The following ZGRF1 variants were observed in gnomAD, a reference collection of about 807,000 sequenced individuals.
ZGRF1 encodes 5'-3' DNA helicase ZGRF1.
ZGRF1 carries 196 observed loss-of-function variants against 203.5 expected under a neutral mutation model. The observed-to-expected ratio is 0.96, with a 90% CI of 0.86 to 1.08. The LOEUF (loss-of-function observed/expected upper bound fraction) is 1.08, where lower values mean the gene tolerates loss of function less well. ZGRF1 is among the 50% of genes least tolerant of loss of function. ZGRF1 has a pLI of 0.00. For synonymous variants in ZGRF1, 809 were observed against 841.3 expected (o/e 0.96, Z 0.66); for missense variants, 2,326 against 2,416.3 (o/e 0.96, Z 0.78).
At chr4:112,581,360 A>G (rs1266019553) in intron 16 of ZGRF1, among the ~76,000 whole-genome samples, 2 of 151,744 alleles carry the variant, frequency 1.3e-5, no homozygotes, top group South Asian at 2.1e-4. Context: ...GCACACCAAC[A>G]TGGCACATGT....
Position 112,558,243 on chromosome 4 carries a change from T to A in ZGRF1, c.5027A>T (p.Glu1676Val), listed in dbSNP as rs747170659. The change falls in exon 20 of 28, where the codon GAA (glutamate) becomes GTA (valine). Residue 1676 changes from glutamate (E) to valine (V), a missense_variant. Glu to Val is a moderately radical substitution (Grantham distance 121, BLOSUM62 -2). Transcript: ENST00000505019. ...VVILFFVQLF[E>V]KSEAPTIGNA... ...TCCAATGGTGGGAGCTTCACTCTTTTCAAACAGCTGTACAAAGAACAAAAT... is the reference window on the plus strand; with the variant it reads ...TCCAATGGTGGGAGCTTCACTCTTTACAAACAGCTGTACAAAGAACAAAAT... The A allele has an allele frequency of 3.1e-5, 49 of 1,605,522 alleles. 1 individual carries two copies. In the South Asian group the frequency reaches 5.5e-4, roughly 18 times the overall value.
chr4:112,586,009 G>A (rs999436456), intron 13 of ZGRF1, among the ~76,000 whole-genome samples: 4 of 152,090 alleles, frequency 2.6e-5, no homozygotes, highest in African/African-American at 9.7e-5. Flanking sequence ...AGGCCAAGGC[G>A]AGTAGATTGC....
chr4:112,546,835 A>G (rs1378614337), intron 24 of ZGRF1: 1 of 152,484 alleles, frequency 6.6e-6, no homozygotes, highest in African/African-American at 2.4e-5. Context: ...CCCAGGTCTT[A>G]GACTTCTCAG....
intron 16 of ZGRF1, among the ~76,000 whole-genome samples, chr4:112,580,520 T>C (rs1333312299): frequency 6.6e-6 from 1 of 151,580 alleles, no homozygotes; most frequent in African/African-American, 2.4e-5. Flanking sequence ...ATTTTTGCAA[T>C]CTACTCATCT....
intron 14 of ZGRF1, among the ~76,000 whole-genome samples, chr4:112,584,382 T>C (rs1746810295): frequency 1.3e-5 from 2 of 152,202 alleles, no homozygotes; most frequent in Admixed American, 1.3e-4. Context: ...AAGATTACAT[T>C]ATTCTGAGAA....
At chr4:112,558,402 C>T (rs1365529727) in intron 19 of ZGRF1, 93 bp from the exon 20 acceptor site, 1 of 1,094,690 alleles carries the variant, frequency 9.1e-7, no homozygotes, top group African/African-American at 1.7e-5. Context: ...CTCACTCACT[C>T]TGTCACCCAG....
At chr4:112,635,728 T>C (rs2047592039) in intron 1 of ZGRF1, among the ~76,000 whole-genome samples, 1 of 151,562 alleles carries the variant, frequency 6.6e-6, no homozygotes, top group South Asian at 2.1e-4. Context: ...TTGGACGAGA[T>C]ACTTTACATA....
At chr4:112,627,208 A>G (rs1270930982) in intron 3 of ZGRF1, among the ~76,000 whole-genome samples, 1 of 152,208 alleles carries the variant, frequency 6.6e-6, no homozygotes. Flanking sequence ...ATAAATACAC[A>G]AACCTAAAAG....
chr4:112,618,178 C>G lies in ZGRF1; in HGVS notation c.1864G>C (p.Asp622His), dbSNP rs1205762989. ...QFCDKTYVGF[D>H]MGICKTENTG... ...TTTTCAGTTTTACATATTCCCATGT[C>G]AAAACCCACATAAGTTTTATCACAA... The change falls in exon 6 of 28, where the codon GAC becomes CAC. Residue 622 changes from aspartate (D) to histidine (H), a missense_variant. By Grantham distance (81) the Asp-to-His change is moderately conservative (BLOSUM62 -1). Transcript: ENST00000505019. 1 of 1,613,684 alleles carries G rather than the reference C, an allele frequency of 6.2e-7. No individual in the cohort carries two copies.
intron 16 of ZGRF1, among the ~76,000 whole-genome samples, chr4:112,568,514 C>T (rs1743571766): frequency 6.7e-6 from 1 of 149,146 alleles, no homozygotes; most frequent in South Asian, 2.1e-4. Flanking sequence ...AGTTCGACAC[C>T]AGCCTGACCA....
intron 16 of ZGRF1, among the ~76,000 whole-genome samples, chr4:112,576,688 A>G (rs1745295881): frequency 6.6e-6 from 1 of 152,214 alleles, no homozygotes; most frequent in Non-Finnish European, 1.5e-5. Context: ...GTGATGGAAG[A>G]TCAAATGAAT....
intron 18 of ZGRF1, 39 bp from the exon 19 acceptor site, chr4:112,561,034 G>A (rs759335022): frequency 6.0e-6 from 9 of 1,500,252 alleles, no homozygotes; most frequent in Non-Finnish European, 7.4e-6. Flanking sequence ...TTAAAAAAAG[G>A]GGCATTTGAA....
intron 4 of ZGRF1, among the ~76,000 whole-genome samples, chr4:112,622,117 T>C (rs757430230): frequency 2.0e-5 from 3 of 152,172 alleles, no homozygotes; most frequent in Non-Finnish European, 4.4e-5. Context: ...TTTAAAAATA[T>C]ATAAAAGTAA....
intron 24 of ZGRF1, among the ~76,000 whole-genome samples, chr4:112,545,558 AG>A (rs1429202981): frequency 6.6e-6 from 1 of 152,200 alleles, no homozygotes; most frequent in African/African-American, 2.4e-5. Flanking sequence ...CCGCTGCTAT[AG>A]AAAAAAGTTT....
rs552485501 is a variant in ZGRF1 at position 112,558,063 on chromosome 4, T to G, written c.5120+87A>C. 1.0e-5 allele frequency: 11 copies of G among 1,059,886 alleles called. No homozygotes were observed. The South Asian group carries it at 1.5e-4, about 14-fold the overall frequency. The allele number at this position is 1,059,886 out of a possible 1,614,324, so 65.7% of individuals were successfully genotyped here. A position where few individuals can be genotyped will look rare whatever the true frequency, so the allele number is the denominator to read the frequency against. ...GCATTCTTGGCATAACCAGCAAGAG[T>G]ACATGGACACTCAGGGCCCATAGTG... On this transcript the variant is annotated intron_variant, in intron 20 of 27. Coordinates refer to ENST00000505019, the MANE Select transcript of ZGRF1 (RefSeq NM_018392.5).
At chr4:112,631,410 C>T (rs2047404393) in intron 3 of ZGRF1, among the ~76,000 whole-genome samples, 1 of 152,128 alleles carries the variant, frequency 6.6e-6, no homozygotes, top group Admixed American at 6.5e-5. Context: ...TGGCTCACTC[C>T]TGTAATCCCA....
At position 112,618,744 on chromosome 4, in the gene ZGRF1, A is replaced by C. The variant is rs746342515; in HGVS notation, c.1298T>G (p.Ile433Ser). The C allele has an allele frequency of 1.2e-6, 2 of 1,610,818 alleles. No homozygotes were observed. Among genetic ancestry groups the C allele is most frequent in the South Asian group, 1.1e-5 (1 of 90,972 alleles). The change falls in exon 6 of 28, where the codon ATT (isoleucine) becomes AGT (serine). Residue 433 changes from isoleucine to serine, a missense_variant. Transcript: ENST00000505019. ...ENDGILSESD[I>S]QEDNKIPFNQ... ...AAAAGGTATTTTATTATCTTCTTGAATGTCAGATTCTGATAATATACCATC... is the reference window on the plus strand; with the variant it reads ...AAAAGGTATTTTATTATCTTCTTGACTGTCAGATTCTGATAATATACCATC...
intron 3 of ZGRF1, chr4:112,630,025 G>GAA (rs752264790): frequency 1.3e-4 from 21 of 159,062 alleles, no homozygotes; most frequent in South Asian, 5.4e-4. Context: ...TCTAAAAAAA[G>GAA]AAAAAAAAAA....
chr4:112,629,836 T>C (rs2047349451), intron 3 of ZGRF1: 2 of 191,060 alleles, frequency 1.0e-5, no homozygotes, highest in South Asian at 1.2e-4. Context: ...CTGGCCAACA[T>C]GGTGAAACCC....
Sources: gnomAD v4.1 joint callset for allele counts (sites outside exome capture counted in the v4.1 genomes callset) on GRCh38, gnomAD v4.1.1 for gene constraint, MANE v1.5 for transcripts, NCBI Gene and HGNC (gene_info 2026-07-23, HGNC 2026-07-21) for gene names.